The following AMBRA1 variants were observed in gnomAD, a reference collection of about 807,000 sequenced individuals.
The protein encoded by AMBRA1 is autophagy and beclin 1 regulator 1.
A neutral mutation model predicts 125.4 loss-of-function variants in AMBRA1; 47 were observed. The observed-to-expected ratio is 0.37, with a 90% CI of 0.30 to 0.48. The LOEUF (loss-of-function observed/expected upper bound fraction) is 0.48, where lower values mean the gene tolerates loss of function less well. Among genes scored for constraint, AMBRA1 ranks in the 20% least tolerant of loss-of-function variants. AMBRA1 has a pLI of 0.99. For missense variants in AMBRA1, 1,331 were observed against 1,693.4 expected, an observed-to-expected ratio of 0.79 and a Z score of 3.76; for synonymous variants, 626 against 655.5, an observed-to-expected ratio of 0.95 and a Z score of 0.69.
intron 1 of AMBRA1, among the ~76,000 whole-genome samples, chr11:46,569,437 A>AT (rs1565308116): frequency 1.2e-4 from 16 of 135,414 alleles, no homozygotes; most frequent in South Asian, 9.6e-4. Flanking sequence ...TTAAAAAAAA[A>AT]AAAATATATA....
At chr11:46,575,384 A>G (rs184090851) in intron 1 of AMBRA1, among the ~76,000 whole-genome samples, 192 of 151,424 alleles carry the variant, frequency 1.3e-3, no homozygotes, top group African/African-American at 4.1e-3. Flanking sequence ...TTGAACCCGG[A>G]AGGTGGAGGT....
chr11:46,458,280 A>G (rs1328731853), intron 11 of AMBRA1, among the ~76,000 whole-genome samples: 1 of 152,208 alleles, frequency 6.6e-6, no homozygotes, highest in Non-Finnish European at 1.5e-5. Flanking sequence ...AAAAGGACGC[A>G]CCTGGAACAC....
At chr11:46,493,466 T>C in intron 11 of AMBRA1, 142 bp downstream of exon 11, 1 of 644,936 alleles carries the variant, frequency 1.6e-6, no homozygotes, top group Non-Finnish European at 2.6e-6. Context: ...AGTAAGGAAC[T>C]GAATATCAAA....
chr11:46,561,537 A>G (rs1290087909), intron 1 of AMBRA1, among the ~76,000 whole-genome samples: 1 of 152,208 alleles, frequency 6.6e-6, no homozygotes, highest in Admixed American at 6.5e-5. Flanking sequence ...AGATTCACAG[A>G]TGAGTCTGGA....
chr11:46,446,448 T>C (rs529434799), intron 11 of AMBRA1, among the ~76,000 whole-genome samples: 1 of 152,190 alleles, frequency 6.6e-6, no homozygotes, highest in African/African-American at 2.4e-5. Context: ...ACGAGGCACT[T>C]AGCCTCAGAA....
At chr11:46,476,386 T>A (rs1390762147) in intron 11 of AMBRA1, among the ~76,000 whole-genome samples, 1 of 152,134 alleles carries the variant, frequency 6.6e-6, no homozygotes, top group Non-Finnish European at 1.5e-5. Context: ...GATGGTGTAT[T>A]TTTAGGGGTG....
chr11:46,458,109 C>T (rs1365119484), intron 11 of AMBRA1, among the ~76,000 whole-genome samples: 4 of 151,998 alleles, frequency 2.6e-5, no homozygotes, highest in Admixed American at 2.6e-4. Context: ...TTGAGAAGTC[C>T]CCAGAACCAG....
At chr11:46,473,919 G>A (rs551216678) in intron 11 of AMBRA1, among the ~76,000 whole-genome samples, 53 of 152,250 alleles carry the variant, frequency 3.5e-4, no homozygotes, top group African/African-American at 1.3e-3. Context: ...CAAAGTGCTG[G>A]GATTACAGGC....
chr11:46,407,994 C>T (rs896466658), intron 17 of AMBRA1, among the ~76,000 whole-genome samples: 2 of 152,092 alleles, frequency 1.3e-5, no homozygotes, highest in African/African-American at 2.4e-5. Flanking sequence ...GAGTCAGGGC[C>T]GAGTGTGGCA....
At chr11:46,510,740 T>C (rs1032315286) in intron 8 of AMBRA1, among the ~76,000 whole-genome samples, 1 of 152,174 alleles carries the variant, frequency 6.6e-6, no homozygotes, top group African/African-American at 2.4e-5. Context: ...CTTGTCCTTT[T>C]AGATATGCAG....
chr11:46,584,654 G>T (rs2044304678), intron 1 of AMBRA1, among the ~76,000 whole-genome samples: 1 of 151,966 alleles, frequency 6.6e-6, no homozygotes, highest in Non-Finnish European at 1.5e-5. Flanking sequence ...TGATGCCCAG[G>T]ATGGAGTGCA....
intron 17 of AMBRA1, 73 bp from the exon 18 acceptor site, chr11:46,398,016 C>A: frequency 6.6e-7 from 1 of 1,509,180 alleles, no homozygotes; most frequent in Non-Finnish European, 8.8e-7. Flanking sequence ...GGGCAGCCAC[C>A]GGTAGCAGCT....
intron 8 of AMBRA1, among the ~76,000 whole-genome samples, chr11:46,510,201 G>A (rs1951204832): frequency 6.6e-6 from 1 of 152,220 alleles, no homozygotes; most frequent in African/African-American, 2.4e-5. Context: ...GGCATAGGAG[G>A]CACAGATGCC....
intron 1 of AMBRA1, among the ~76,000 whole-genome samples, chr11:46,562,484 T>C (rs532570840): frequency 6.6e-6 from 1 of 152,178 alleles, no homozygotes; most frequent in South Asian, 2.1e-4. Flanking sequence ...AAGAGATGAA[T>C]AGTCATACTC....
intron 1 of AMBRA1, among the ~76,000 whole-genome samples, chr11:46,551,783 T>A (rs2135203733): frequency 6.6e-6 from 1 of 152,224 alleles, no homozygotes; most frequent in Admixed American, 6.5e-5. Flanking sequence ...ATCTCAGCAC[T>A]TTGGGAGGCC....
At chr11:46,544,099 A>G in intron 5 of AMBRA1, 58 bp from the exon 6 acceptor site, 1 of 1,391,060 alleles carries the variant, frequency 7.2e-7, no homozygotes, top group Non-Finnish European at 1.0e-6. Flanking sequence ...TTAACTGAGA[A>G]GAGGAAACTT....
intron 9 of AMBRA1, among the ~76,000 whole-genome samples, chr11:46,504,179 G>A (rs755967502): frequency 2.0e-5 from 3 of 152,180 alleles, no homozygotes; most frequent in African/African-American, 4.8e-5. Flanking sequence ...GGAAGGGCAG[G>A]AATATGGGCT....
intron 12 of AMBRA1, among the ~76,000 whole-genome samples, chr11:46,439,574 TA>T (rs1229169698): frequency 6.6e-6 from 1 of 152,064 alleles, no homozygotes; most frequent in Non-Finnish European, 1.5e-5. Context: ...AACTAAAATA[TA>T]AAAGTTATAA....
At chr11:46,509,891 G>A (rs764214913) in intron 8 of AMBRA1, among the ~76,000 whole-genome samples, 3 of 152,064 alleles carry the variant, frequency 2.0e-5, no homozygotes, top group African/African-American at 4.8e-5. Flanking sequence ...AATTGATTAA[G>A]AACAGAAACA....
Sources: gnomAD v4.1 joint callset for allele counts (sites outside exome capture counted in the v4.1 genomes callset) on GRCh38, gnomAD v4.1.1 for gene constraint, MANE v1.5 for transcripts, NCBI Gene and HGNC (gene_info 2026-07-23, HGNC 2026-07-21) for gene names.